Variants in GABRB2 observed in about 807,000 individuals in gnomAD.
The protein encoded by GABRB2 is gamma-aminobutyric acid type A receptor subunit beta2.
GABRB2 carries 16 observed loss-of-function variants against 54.7 expected under a neutral mutation model. That is an observed-to-expected ratio of 0.29 (90% CI 0.20 to 0.44). GABRB2 has a LOEUF of 0.44. Ranked by LOEUF, GABRB2 falls within the 20% of genes least tolerant of loss-of-function variation. GABRB2 has a pLI of 1.00. For synonymous variants in GABRB2, 244 were observed against 233.8 expected (o/e 1.04, Z -0.40); for missense variants, 355 against 644.0 (o/e 0.55, Z 4.86).
intron 3 of GABRB2, among the ~76,000 whole-genome samples, chr5:161,516,808 G>A (rs1759965129): frequency 6.6e-6 from 1 of 152,176 alleles, no homozygotes; most frequent in Non-Finnish European, 1.5e-5. Context: ...ACAAGGTAGT[G>A]TGGACTGCTA....
intron 5 of GABRB2, among the ~76,000 whole-genome samples, chr5:161,408,415 T>C (rs2113106148): frequency 6.6e-6 from 1 of 152,244 alleles, no homozygotes; most frequent in African/African-American, 2.4e-5. Context: ...TGTATATTGC[T>C]ATTCACTATT....
chr5:161,494,015 C>T (rs1167566914), intron 3 of GABRB2, among the ~76,000 whole-genome samples: 1 of 151,626 alleles, frequency 6.6e-6, no homozygotes, highest in Non-Finnish European at 1.5e-5. Flanking sequence ...TATTTTGCAA[C>T]AAATACATAC....
intron 3 of GABRB2, among the ~76,000 whole-genome samples, chr5:161,519,468 C>G (rs1391199803): frequency 2.6e-5 from 4 of 152,144 alleles, no homozygotes; most frequent in Non-Finnish European, 4.4e-5. Flanking sequence ...CATTCTACCA[C>G]TAAAGGTGGC....
intron 5 of GABRB2, among the ~76,000 whole-genome samples, chr5:161,408,034 C>A (rs959155638): frequency 6.6e-6 from 1 of 151,992 alleles, no homozygotes; most frequent in Non-Finnish European, 1.5e-5. Context: ...CTTTAAGATG[C>A]TATAGAACTA....
chr5:161,312,681 C>T (rs997823414), intron 9 of GABRB2, among the ~76,000 whole-genome samples: 1 of 152,078 alleles, frequency 6.6e-6, no homozygotes, highest in East Asian at 1.9e-4. Flanking sequence ...ACCTAGTGAA[C>T]CAGCAAGATT....
Position 161,459,862 on chromosome 5 carries a change from A to G in GABRB2, c.238-18T>C, listed in dbSNP as rs1485793918. ...GTATAATCCTGTAAATGTGAGAAAAAAAAACATGGTTAGTTTACACCCAGA... is the reference window on the plus strand; with the variant it reads ...GTATAATCCTGTAAATGTGAGAAAAGAAAACATGGTTAGTTTACACCCAGA... On this transcript the variant is annotated intron_variant, in intron 3 of 9. Transcript: ENST00000393959. 5 of 1,522,736 alleles carry G rather than the reference A, an allele frequency of 3.3e-6. No individual in the cohort carries two copies. The highest frequency in any genetic ancestry group is 3.4e-5 in the Admixed American group (2 of 59,526). 94.3% of individuals were successfully genotyped at this position (1,522,736 alleles called of 1,614,324 possible). A position where few individuals can be genotyped will look rare whatever the true frequency, so the allele number is the denominator to read the frequency against.
intron 3 of GABRB2, among the ~76,000 whole-genome samples, chr5:161,539,382 C>T (rs1760743069): frequency 6.6e-6 from 1 of 152,180 alleles, no homozygotes. Flanking sequence ...GGTTCTGACA[C>T]CACCAGTAGC....
intron 4 of GABRB2, among the ~76,000 whole-genome samples, chr5:161,458,146 A>G (rs1447623925): frequency 1.3e-5 from 2 of 152,084 alleles, no homozygotes; most frequent in Non-Finnish European, 2.9e-5. Flanking sequence ...ACACATGGTC[A>G]CCCTCTCATC....
intron 7 of GABRB2, 69 bp from the exon 8 acceptor site, chr5:161,331,196 A>G (rs1262659615): frequency 1.4e-6 from 2 of 1,479,724 alleles, no homozygotes; most frequent in African/African-American, 1.4e-5. Context: ...ATAGCTGGAA[A>G]GGTGATCTAT....
At chr5:161,305,351 A>T (rs2113353082) in intron 9 of GABRB2, among the ~76,000 whole-genome samples, 1 of 152,334 alleles carries the variant, frequency 6.6e-6, no homozygotes, top group South Asian at 2.1e-4. Context: ...CTTTCATTCA[A>T]AGAAGGCATT....
chr5:161,501,867 T>C (rs1280951695), intron 3 of GABRB2, among the ~76,000 whole-genome samples: 6 of 149,636 alleles, frequency 4.0e-5, no homozygotes, highest in Non-Finnish European at 7.4e-5. Flanking sequence ...ATAAGTTAAA[T>C]AACCTAAAAT....
chr5:161,334,992 C>T (rs1029081398), intron 6 of GABRB2, 88 bp from the exon 7 acceptor site: 5 of 1,311,956 alleles, frequency 3.8e-6, no homozygotes, highest in Non-Finnish European at 5.3e-6. Flanking sequence ...TACCTCTTCT[C>T]TCAGTTCAGT....
chr5:161,538,123 G>A (rs141325319), intron 3 of GABRB2, among the ~76,000 whole-genome samples: 44 of 152,130 alleles, frequency 2.9e-4, no homozygotes, highest in Middle Eastern at 6.8e-3. Context: ...GACTTTGTGC[G>A]CTATGATTCT....
Position 161,410,725 on chromosome 5 carries a change from A to G in GABRB2, c.541+250T>C, listed in dbSNP as rs17059436. ...CTCGGTCTCCTTCCAGGCTGTTAGC[A>G]TATTCCTTTTATTGCCAGATTATTT... On this transcript the variant is annotated intron_variant, in intron 5 of 9. Transcript: ENST00000393959. Among the ~76,000 whole-genome samples the G allele has an allele frequency of 0.092, 13,988 of 152,186 alleles. 753 individuals carry two copies. Among genetic ancestry groups the G allele is most frequent in the East Asian group, 0.17 (893 of 5,170 alleles).
intron 6 of GABRB2, among the ~76,000 whole-genome samples, chr5:161,335,822 A>G (rs930243887): frequency 6.6e-6 from 1 of 152,160 alleles, no homozygotes; most frequent in African/African-American, 2.4e-5. Flanking sequence ...TTGTATTTTT[A>G]TCAAGTCACA....
At chr5:161,515,779 G>A (rs1759921374) in intron 3 of GABRB2, among the ~76,000 whole-genome samples, 1 of 152,080 alleles carries the variant, frequency 6.6e-6, no homozygotes. Flanking sequence ...TTCTGAAATA[G>A]CTTCATTTGA....
chr5:161,474,687 T>C (rs978919241), intron 3 of GABRB2, among the ~76,000 whole-genome samples: 2 of 151,950 alleles, frequency 1.3e-5, no homozygotes, highest in African/African-American at 2.4e-5. Context: ...TGTTGGGAAA[T>C]CATTCATTTT....
intron 3 of GABRB2, among the ~76,000 whole-genome samples, chr5:161,486,763 A>C (rs1232699609): frequency 1.3e-5 from 2 of 151,816 alleles, no homozygotes; most frequent in African/African-American, 2.4e-5. Context: ...GGAGATAATA[A>C]ATACTCATTT....
intron 4 of GABRB2, among the ~76,000 whole-genome samples, chr5:161,422,284 G>A (rs925992553): frequency 6.6e-6 from 1 of 151,974 alleles, no homozygotes; most frequent in South Asian, 2.1e-4. Flanking sequence ...AGGTATATAT[G>A]TATATATAGC....
Sources: allele counts gnomAD v4.1 joint callset (sites outside exome capture counted in the v4.1 genomes callset), GRCh38; gene constraint gnomAD v4.1.1; transcripts MANE v1.5; gene names NCBI Gene and HGNC (gene_info 2026-07-23, HGNC 2026-07-21).